CNTN3: variants seen among roughly 807,000 people sequenced by gnomAD.
CNTN3 encodes the protein contactin-3.
In CNTN3, 60 loss-of-function variants were observed where a neutral mutation model predicts 119.1. The ratio of observed to expected loss-of-function variants is 0.50; its 90% CI spans 0.41 to 0.62. CNTN3 has a LOEUF of 0.62. Ranked by LOEUF, CNTN3 falls within the 20% of genes least tolerant of loss-of-function variation. The probability of loss-of-function intolerance (pLI) is 0.00; values close to 1 mark genes in which losing one functional copy is unlikely to be tolerated. For missense variants in CNTN3, 1,101 were observed against 1,242.4 expected (o/e 0.89, Z 1.71); for synonymous variants, 450 against 438.7 (o/e 1.03, Z -0.32).
intron 5 of CNTN3, among the ~76,000 whole-genome samples, chr3:74,396,817 G>A (rs1027955874): frequency 6.6e-6 from 1 of 151,476 alleles, no homozygotes; most frequent in Non-Finnish European, 1.5e-5. Context: ...GCTAGCAGAG[G>A]TTTATGAGGT....
rs1559672248 is a variant in CNTN3 at position 74,594,295 on chromosome 3, T to TTTTTTA, written c.-81+20095_-81+20096insTAAAAA. 7.5e-5 allele frequency among the ~76,000 whole-genome samples: 11 copies of TTTTTTA among 146,002 alleles called. No homozygotes were observed. In the East Asian group the frequency reaches 8.3e-4, roughly 11 times the overall value. ...TTTCTTTTTTTTTTTTTTTTTACTT[T>TTTTTTA]TTTTTTAATTATTATACTTTAAGTT... On this transcript the variant is annotated intron_variant, in intron 1 of 22. Transcript: ENST00000263665.
At chr3:74,394,737 C>A (rs1325670808) in intron 5 of CNTN3, among the ~76,000 whole-genome samples, 1 of 152,054 alleles carries the variant, frequency 6.6e-6, no homozygotes, top group African/African-American at 2.4e-5. Flanking sequence ...TAAGCCTTTG[C>A]AACAAAAGTT....
chr3:74,319,020 A>G (rs1055848095), intron 13 of CNTN3, among the ~76,000 whole-genome samples: 3 of 152,226 alleles, frequency 2.0e-5, no homozygotes, highest in African/African-American at 7.2e-5. Context: ...AAAAGAGAAT[A>G]CAAACAAATG....
intron 3 of CNTN3, among the ~76,000 whole-genome samples, chr3:74,489,399 T>G (rs1419667810): frequency 6.9e-6 from 1 of 144,012 alleles, no homozygotes; most frequent in East Asian, 2.2e-4. Context: ...CTTCCCTCCC[T>G]CCTCCCCTTC....
chr3:74,566,326 A>G (rs907553623), intron 1 of CNTN3, among the ~76,000 whole-genome samples: 8 of 152,122 alleles, frequency 5.3e-5, no homozygotes, highest in Admixed American at 1.3e-4. Context: ...TGAAGGGAGC[A>G]AAGGGAAGGT....
At chr3:74,548,174 T>C (rs546574951) in intron 1 of CNTN3, among the ~76,000 whole-genome samples, 1 of 152,220 alleles carries the variant, frequency 6.6e-6, no homozygotes, top group African/African-American at 2.4e-5. Flanking sequence ...CAGATGGATT[T>C]GGTTACACCA....
At chr3:74,272,655 CAACA>C (rs1373644829) in intron 20 of CNTN3, among the ~76,000 whole-genome samples, 3 of 152,080 alleles carry the variant, frequency 2.0e-5, no homozygotes, top group African/African-American at 4.8e-5. Context: ...ACAGAAAAGC[CAACA>C]AATAGCATTC....
intron 4 of CNTN3, among the ~76,000 whole-genome samples, chr3:74,454,091 G>A (rs1289630946): frequency 1.6e-5 from 2 of 127,188 alleles, no homozygotes; most frequent in African/African-American, 6.0e-5. Context: ...TCGTTGATCT[G>A]TCTAATGTTG....
intron 5 of CNTN3, among the ~76,000 whole-genome samples, chr3:74,407,668 G>A (rs1346599945): frequency 2.6e-5 from 4 of 152,010 alleles, no homozygotes; most frequent in East Asian, 3.9e-4. Context: ...GGGAGTGGAC[G>A]ATGAGCAGTT....
At chr3:74,493,884 T>C (rs1703011903) in intron 3 of CNTN3, among the ~76,000 whole-genome samples, 1 of 152,132 alleles carries the variant, frequency 6.6e-6, no homozygotes, top group East Asian at 1.9e-4. Flanking sequence ...AAATTGAATG[T>C]TTAAAATGTG....
intron 1 of CNTN3, among the ~76,000 whole-genome samples, chr3:74,524,263 G>A (rs1703584148): frequency 6.6e-6 from 1 of 151,890 alleles, no homozygotes; most frequent in Admixed American, 6.6e-5. Context: ...AATTTACTGA[G>A]TACCTCTTCG....
At chr3:74,405,348 C>T (rs937700937) in intron 5 of CNTN3, among the ~76,000 whole-genome samples, 1 of 151,966 alleles carries the variant, frequency 6.6e-6, no homozygotes, top group Admixed American at 6.6e-5. Flanking sequence ...TACATACACA[C>T]ATACATGGAT....
intron 4 of CNTN3, among the ~76,000 whole-genome samples, chr3:74,437,271 T>A (rs9819569): frequency 0.81 from 122,554 of 151,974 alleles, 49,858 homozygotes; most frequent in African/African-American, 0.9. Context: ...GTCCTGGTTA[T>A]CATGGTGAAT....
chr3:74,512,431 T>A (rs1703382734), intron 2 of CNTN3, among the ~76,000 whole-genome samples: 1 of 152,042 alleles, frequency 6.6e-6, no homozygotes, highest in Non-Finnish European at 1.5e-5. Context: ...AAAGGGGGAA[T>A]CAGTATAATG....
At chr3:74,409,883 T>G (rs1410061292) in intron 5 of CNTN3, among the ~76,000 whole-genome samples, 1 of 152,204 alleles carries the variant, frequency 6.6e-6, no homozygotes, top group African/African-American at 2.4e-5. Flanking sequence ...TGTGATGACT[T>G]GGTTTTAGCA....
intron 4 of CNTN3, among the ~76,000 whole-genome samples, chr3:74,459,285 A>G (rs1702323064): frequency 6.6e-6 from 1 of 151,952 alleles, no homozygotes; most frequent in Non-Finnish European, 1.5e-5. Flanking sequence ...GAATCAATCT[A>G]TCGCCAACCT....
chr3:74,355,745 G>A lies in CNTN3; in HGVS notation c.1364+6145C>T, dbSNP rs566621005. Among the ~76,000 whole-genome samples, 80 of 152,044 alleles carry A rather than the reference G, an allele frequency of 5.3e-4. 1 individual carries two copies. The South Asian group carries it at 0.014, about 27-fold the overall frequency. ...GCAGGGATTACAAGCATGAGCCACC[G>A]CACCCTGCTGGTCCTCTTTTTTAAA... On this transcript the variant is annotated intron_variant, in intron 11 of 22. Coordinates refer to ENST00000263665, the MANE Select transcript of CNTN3 (RefSeq NM_020872.3).
intron 19 of CNTN3, among the ~76,000 whole-genome samples, chr3:74,289,472 A>G (rs1410357945): frequency 6.6e-6 from 1 of 152,134 alleles, no homozygotes; most frequent in Non-Finnish European, 1.5e-5. Flanking sequence ...TGGCAATATC[A>G]GCATGCATTA....
At chr3:74,425,937 C>T (rs929450236) in intron 4 of CNTN3, among the ~76,000 whole-genome samples, 3 of 151,852 alleles carry the variant, frequency 2.0e-5, no homozygotes, top group African/African-American at 7.3e-5. Flanking sequence ...TTTATAGCGG[C>T]TAAAAATAAT....
Sources: gnomAD v4.1 joint callset for allele counts (sites outside exome capture counted in the v4.1 genomes callset) on GRCh38, gnomAD v4.1.1 for gene constraint, MANE v1.5 for transcripts, NCBI Gene and HGNC (gene_info 2026-07-23, HGNC 2026-07-21) for gene names.